IGFALS: variants seen among roughly 807,000 people sequenced by gnomAD.
The protein encoded by IGFALS is insulin like growth factor binding protein acid labile subunit, also known as insulin-like growth factor-binding protein complex acid labile subunit.
A neutral mutation model predicts 2.6 loss-of-function variants in IGFALS; 2 were observed. That is an observed-to-expected ratio of 0.77 (90% CI 0.32 to 2.44). The LOEUF is 2.44. Ranked by LOEUF, IGFALS falls within the 30% of genes most tolerant of loss-of-function variation. The pLI, the probability that IGFALS is intolerant of heterozygous loss-of-function variation, is 0.11. For missense variants in IGFALS, 996 were observed against 848.7 expected, an observed-to-expected ratio of 1.17 and a Z score of -2.16; for synonymous variants, 519 against 431.9, an observed-to-expected ratio of 1.20 and a Z score of -2.50.
In IGFALS at chr16:1,791,070, G is replaced by C; in HGVS notation, c.1348C>G (p.Pro450Ala). ...DLTSNQLTHL[P>A]HRLFQGLGKL... is the part of the protein sequence containing the mutation. ...CCCAGGCCCTGGAAGAGGCGGTGGG[G>C]CAGGTGCGTGAGCTGGTTGGAGGTC... Residue 450 changes from proline to alanine, a missense_variant, in exon 2 of 2, where the codon CCC (proline) becomes GCC (alanine). By Grantham distance (27) the Pro-to-Ala change is conservative. Coordinates refer to ENST00000215539, the MANE Select transcript of IGFALS (RefSeq NM_004970.3). 1 of 1,598,940 alleles carries C rather than the reference G, an allele frequency of 6.3e-7. No individual in the cohort carries two copies.
chr16:1,791,754 C>G lies in IGFALS; in HGVS notation c.664G>C (p.Glu222Gln), dbSNP rs1477899010. The G allele has an allele frequency of 5.8e-6, 9 of 1,550,688 alleles. No homozygotes were observed. The highest frequency in any genetic ancestry group is 7.8e-6 in the Non-Finnish European group (9 of 1,152,074). Residue 222 changes from glutamate (E) to glutamine (Q), a missense_variant, in exon 2 of 2, where the codon GAG (glutamate) becomes CAG (glutamine). Coordinates refer to ENST00000215539, the MANE Select transcript of IGFALS (RefSeq NM_004970.3). ...ALFSGLAELRELDLSRNALRA... is the reference protein window; with the variant it reads ...ALFSGLAELRQLDLSRNALRA... ...AGCGCGTTCCTGCTCAGGTCCAGCTCCCGGAGCTCGGCCAGGCCGCTGAAG... is the reference window on the plus strand; with the variant it reads ...AGCGCGTTCCTGCTCAGGTCCAGCTGCCGGAGCTCGGCCAGGCCGCTGAAG...
Position 1,791,121 on chromosome 16 carries a change from G to T in IGFALS, c.1297C>A (p.Leu433Met). ...VGIEEQSLWGLAELLELDLTS... is the reference protein window; with the variant it reads ...VGIEEQSLWGMAELLELDLTS... ...AGGTCGAGCTCCAGCAGCTCCGCCA[G>T]CCCCCACAGGCTCTGCTCCTCAATG... is the stretch of plus-strand genomic sequence containing the variant. Residue 433 changes from leucine to methionine, a missense_variant, in exon 2 of 2, where the codon CTG becomes ATG. Leu to Met is a conservative substitution (Grantham distance 15). Coordinates refer to ENST00000215539, the MANE Select transcript of IGFALS (RefSeq NM_004970.3). The T allele has an allele frequency of 6.2e-7, 1 of 1,603,500 alleles. No homozygotes were observed. The highest frequency in any genetic ancestry group is 1.1e-5 in the South Asian group (1 of 91,042).
At chr16:1,792,629 T>C in intron 1 of IGFALS, 1 of 742,702 alleles carries the variant, frequency 1.3e-6, no homozygotes, top group South Asian at 3.2e-5. Flanking sequence ...GCACAGACGC[T>C]CAGGGCTTGG....
chr16:1,793,730 T>A, upstream of IGFALS: 1 of 1,449,558 alleles, frequency 6.9e-7, no homozygotes, highest in Non-Finnish European at 9.4e-7. Context: ...CCCTCTGGAT[T>A]TCCCCACTGC....
chr16:1,793,758 T>C, upstream of IGFALS: 2 of 1,223,850 alleles, frequency 1.6e-6, no homozygotes, highest in Non-Finnish European at 2.3e-6. Context: ...CCCGCGCCTG[T>C]CACCTGGCTG....
At position 1,792,475 on chromosome 16, in the gene IGFALS, GA is replaced by G. The variant is rs1202547090; in HGVS notation, c.17-75del. 5 of 1,463,486 alleles carry G rather than the reference GA, an allele frequency of 3.4e-6. No homozygotes were observed. The South Asian group carries it at 7.0e-5, about 21-fold the overall frequency. The allele number at this position is 1,463,486 out of a possible 1,614,324, so 90.7% of individuals were successfully genotyped here. On this transcript the variant is annotated intron_variant, in intron 1 of 1. Transcript: ENST00000215539. The stretch of plus-strand genomic sequence containing the variant: ...AGTGAGCCTGATACCAGCACAGCCG[GA>G]AGCGGCGCTCAGGTGTGAACTGAGG...
upstream of IGFALS, chr16:1,794,840 T>C: frequency 1.4e-6 from 1 of 702,214 alleles, no homozygotes; most frequent in Non-Finnish European, 2.6e-6. Context: ...CGGCCTCACC[T>C]GGCAGGCCCC....
chr16:1,792,098 C>T lies in IGFALS; in HGVS notation c.320G>A (p.Gly107Asp), dbSNP rs1446928553. Residue 107 changes from glycine to aspartate, a missense_variant, in exon 2 of 2, where the codon GGC becomes GAC. By Grantham distance (94) the Gly-to-Asp change is moderately conservative. Transcript: ENST00000215539. The stretch of plus-strand genomic sequence containing the variant: ...TGGCTCCAGGCTGCCCAGCTGGCCG[C>T]CCTGCAGGTTGAGGAAGCCCAGGCT... Reference protein sequence around the residue: ...LSSLGFLNLQGGQLGSLEPQA... With the variant: ...LSSLGFLNLQDGQLGSLEPQA... The T allele has an allele frequency of 7.5e-6, 12 of 1,610,372 alleles. No individual in the cohort carries two copies. Among genetic ancestry groups the T allele is most frequent in the Non-Finnish European group, 1.0e-5 (12 of 1,179,318 alleles).
At chr16:1,793,452 G>A (rs913092132) in intron 1 of IGFALS, among the ~76,000 whole-genome samples, 185 bp downstream of exon 1, 2 of 152,062 alleles carry the variant, frequency 1.3e-5, no homozygotes, top group African/African-American at 2.4e-5. Context: ...GCCAGGCACA[G>A]CTGTGTCCCC....
At chr16:1,793,580 T>A in intron 1 of IGFALS, 57 bp downstream of exon 1, 1 of 1,552,760 alleles carries the variant, frequency 6.4e-7, no homozygotes, top group African/African-American at 1.4e-5. Flanking sequence ...CCCAGCGGGC[T>A]CAGGGTCACA....
At chr16:1,793,523 C>G (rs34647382) in intron 1 of IGFALS, 114 bp downstream of exon 1, 2 of 999,342 alleles carry the variant, frequency 2.0e-6, no homozygotes, top group East Asian at 2.8e-5. Flanking sequence ...CGCAGACCCC[C>G]AGAGCTGAGC....
chr16:1,791,742 T>A lies in IGFALS; in HGVS notation c.676A>T (p.Ser226Cys). ...TTGATGGCCCGCAGCGCGTTCCTGC[T>A]CAGGTCCAGCTCCCGGAGCTCGGCC... ...GLAELRELDL[S>C]RNALRAIKAN... Residue 226 changes from serine (S) to cysteine (C), a missense_variant, in exon 2 of 2, where the codon AGC (serine) becomes TGC (cysteine). Physicochemically the swap from Ser to Cys is moderately radical, Grantham distance 112. Transcript: ENST00000215539. The A allele has an allele frequency of 1.3e-6, 2 of 1,553,112 alleles. No individual in the cohort carries two copies. The highest frequency in any genetic ancestry group is 8.7e-7 in the Non-Finnish European group (1 of 1,153,440).
chr16:1,794,565 C>T (rs1266501573), upstream of IGFALS, among the ~76,000 whole-genome samples: 1 of 152,170 alleles, frequency 6.6e-6, no homozygotes, highest in African/African-American at 2.4e-5. Context: ...GCTCCGTCTC[C>T]ACCTGCCTCC....
Position 1,791,186 on chromosome 16 carries a change from C to A in IGFALS, c.1232G>T (p.Gly411Val). Residue 411 changes from glycine (G) to valine (V), a missense_variant, in exon 2 of 2, where the codon GGG becomes GTG. Physicochemically the swap from Gly to Val is moderately radical, Grantham distance 109. Coordinates refer to ENST00000215539, the MANE Select transcript of IGFALS (RefSeq NM_004970.3). Reference protein sequence around the residue: ...IRPHTFTGLSGLRRLFLKDNG... With the variant: ...IRPHTFTGLSVLRRLFLKDNG... ...GTCCTTGAGGAAGAGTCGGCGGAGC[C>A]CCGAGAGGCCGGTGAAGGTGTGCGG... The A allele has an allele frequency of 6.2e-7, 1 of 1,607,530 alleles. No homozygotes were observed. Among genetic ancestry groups the A allele is most frequent in the East Asian group, 2.2e-5 (1 of 44,866 alleles).
upstream of IGFALS, chr16:1,793,750 C>T (rs1477060185): frequency 3.9e-6 from 5 of 1,293,838 alleles, no homozygotes; most frequent in East Asian, 2.6e-5. Context: ...CGGGGCAGCC[C>T]GCGCCTGTCA....
Position 1,791,626 on chromosome 16 carries a change from G to T in IGFALS, c.792C>A (p.Gly264=). The T allele has an allele frequency of 6.4e-7, 1 of 1,572,746 alleles. No homozygotes were observed. Among genetic ancestry groups the T allele is most frequent in the South Asian group, 1.2e-5 (1 of 86,504 alleles). Residue 264 remains glycine, a synonymous_variant, in exon 2 of 2, where the codon GGC becomes GGA. Coordinates refer to ENST00000215539, the MANE Select transcript of IGFALS (RefSeq NM_004970.3). Reference sequence around the variant, plus strand: ...GGTCCAGCCATCGCAGCGCCTTCAGGCCCAGGAAGGCGCCCGGGGCCACGG... The same window carrying T: ...GGTCCAGCCATCGCAGCGCCTTCAGTCCCAGGAAGGCGCCCGGGGCCACGG... ...IAAVAPGAFL[G]LKALRWLDLS... is the part of the protein sequence containing the mutation.
In IGFALS at chr16:1,793,641, C is replaced by A; in HGVS notation, c.12G>T (p.Arg4Ser). The change falls in exon 1 of 2, where the codon AGG becomes AGT. Residue 4 changes from arginine to serine, a missense_variant. Transcript: ENST00000215539. ...CGGGGCACTCGGGGGCCTCACCTTT[C>A]CTCAGGGCCATCCTGCATGCAGGGC... MAL[R>S]KGGLALALLL... 1 of 1,597,460 alleles carries A rather than the reference C, an allele frequency of 6.3e-7. No homozygotes were observed. The highest frequency in any genetic ancestry group is 8.5e-7 in the Non-Finnish European group (1 of 1,171,930).
Position 1,792,415 on chromosome 16 carries a change from G to C in IGFALS, c.17-14C>G, listed in dbSNP as rs1897255508. The C allele has an allele frequency of 2.0e-6, 3 of 1,536,888 alleles. No homozygotes were observed. The highest frequency in any genetic ancestry group is 2.7e-5 in the African/African-American group (2 of 73,224). Reference sequence around the variant, plus strand: ...GGGCCAGGCCTCCTGCGGGGGGAGAGGCTTGGGGAGGCGGCCCGAGGAGGG... The same window carrying C: ...GGGCCAGGCCTCCTGCGGGGGGAGACGCTTGGGGAGGCGGCCCGAGGAGGG... On this transcript the variant is annotated splice_polypyrimidine_tract_variant and intron_variant, in intron 1 of 1. Coordinates refer to ENST00000215539, the MANE Select transcript of IGFALS (RefSeq NM_004970.3).
At position 1,791,287 on chromosome 16, in the gene IGFALS, A is replaced by T. The variant is rs750852124; in HGVS notation, c.1131T>A (p.Leu377=). The change falls in exon 2 of 2, where the codon CTT becomes CTA. Residue 377 remains leucine (L), a synonymous_variant. Coordinates refer to ENST00000215539, the MANE Select transcript of IGFALS (RefSeq NM_004970.3). Reference sequence around the variant, plus strand: ...CCAGGCCCCGGAACACCTGCTCCGGAAGGTTCCGGAGACAGTTCCCAGAGA... The same window carrying T: ...CCAGGCCCCGGAACACCTGCTCCGGTAGGTTCCGGAGACAGTTCCCAGAGA... ...MNLSGNCLRN[L]PEQVFRGLGK... The T allele has an allele frequency of 2.2e-5, 36 of 1,608,978 alleles. No homozygotes were observed. Among genetic ancestry groups the T allele is most frequent in the Non-Finnish European group, 3.1e-5 (36 of 1,179,916 alleles).
Sources: allele counts gnomAD v4.1 joint callset (sites outside exome capture counted in the v4.1 genomes callset), GRCh38; gene constraint gnomAD v4.1.1; transcripts MANE v1.5; gene names NCBI Gene and HGNC (gene_info 2026-07-23, HGNC 2026-07-21).